CCDC171: variants seen among roughly 807,000 people sequenced by gnomAD.
CCDC171 encodes the protein coiled-coil domain containing 171, also known as coiled-coil domain-containing protein 171.
Under a neutral mutation model 168.2 loss-of-function variants are expected in CCDC171, and 177 were observed. That is an observed-to-expected ratio of 1.05 (90% CI 0.93 to 1.19). CCDC171 has a LOEUF of 1.19. Among genes scored for constraint, CCDC171 ranks in the 50% most tolerant of loss-of-function variants. The pLI is 0.00. For synonymous variants in CCDC171, 687 were observed against 540.8 expected (o/e 1.27, Z -3.75); for missense variants, 1,991 against 1,539.0 (o/e 1.29, Z -4.91).
intron 6 of CCDC171, among the ~76,000 whole-genome samples, chr9:16,026,048 G>T (rs1833268991): frequency 1.3e-5 from 2 of 152,206 alleles, no homozygotes; most frequent in South Asian, 4.1e-4. Flanking sequence ...AGGAAACCAG[G>T]CTCAACTGTA....
intron 21 of CCDC171, among the ~76,000 whole-genome samples, chr9:15,804,688 G>C (rs1295183827): frequency 6.6e-6 from 1 of 151,906 alleles, no homozygotes; most frequent in Non-Finnish European, 1.5e-5. Flanking sequence ...TATTAGCCTG[G>C]AGTTGTCTTG....
At chr9:15,921,866 T>G (rs893101936) in intron 25 of CCDC171, among the ~76,000 whole-genome samples, 15 of 151,680 alleles carry the variant, frequency 9.9e-5, no homozygotes, top group African/African-American at 3.6e-4. Flanking sequence ...CATTATACTG[T>G]TTAAGTTGTA....
chr9:16,052,872 T>C (rs1833773801), intron 1 of CCDC171, among the ~76,000 whole-genome samples: 4 of 151,966 alleles, frequency 2.6e-5, no homozygotes, highest in Admixed American at 2.6e-4. Context: ...CCTTTTCTTT[T>C]CAAACGGAAT....
chr9:16,051,303 A>G (rs1016414684), intron 1 of CCDC171, among the ~76,000 whole-genome samples: 6 of 152,026 alleles, frequency 3.9e-5, no homozygotes, highest in African/African-American at 1.5e-4. Flanking sequence ...CAGTTTCCTT[A>G]TCCAAAACAG....
upstream of CCDC171, among the ~76,000 whole-genome samples, chr9:16,040,041 A>G (rs1318016265): frequency 2.6e-5 from 4 of 152,200 alleles, no homozygotes; most frequent in Admixed American, 6.5e-5. Flanking sequence ...TTCATCATCT[A>G]GAAAACTGCA....
intron 18 of CCDC171, among the ~76,000 whole-genome samples, chr9:15,768,864 C>T (rs76345226): frequency 0.028 from 4,196 of 152,250 alleles, 213 homozygotes; most frequent in African/African-American, 0.096. Context: ...CACCTATCTT[C>T]ATCCGCAGTA....
chr9:15,729,958 C>T (rs942584070), intron 16 of CCDC171, among the ~76,000 whole-genome samples, 160 bp downstream of exon 16: 7 of 151,586 alleles, frequency 4.6e-5, no homozygotes, highest in Admixed American at 6.6e-5. Context: ...CACACACATA[C>T]GTGTGTGTGT....
chr9:15,792,756 T>C lies in CCDC171; in HGVS notation c.3267+8062T>C, dbSNP rs559123594. 1.8e-3 allele frequency among the ~76,000 whole-genome samples: 268 copies of C among 151,960 alleles called. 2 individuals carry two copies. Among genetic ancestry groups the C allele is most frequent in the African/African-American group, 6.1e-3 (251 of 41,418 alleles). On this transcript the variant is annotated intron_variant, in intron 21 of 25. Transcript: ENST00000380701. ...TAAGCGAAGGAGAAATAAAATCCTTTATAGACAAGCAAATGCTGACAGATT... is the reference window on the plus strand; with the variant it reads ...TAAGCGAAGGAGAAATAAAATCCTTCATAGACAAGCAAATGCTGACAGATT...
intron 1 of CCDC171, among the ~76,000 whole-genome samples, chr9:16,049,467 C>G (rs1385096086): frequency 6.6e-6 from 1 of 152,166 alleles, no homozygotes; most frequent in Non-Finnish European, 1.5e-5. Flanking sequence ...TCTAATCAGC[C>G]AGGAGCCTAA....
At chr9:16,056,164 T>C (rs545609650) in intron 1 of CCDC171, among the ~76,000 whole-genome samples, 8 of 152,344 alleles carry the variant, frequency 5.3e-5, no homozygotes, top group African/African-American at 7.2e-5. Flanking sequence ...GTGGTTTTCA[T>C]TGGTGGTGGG....
intron 25 of CCDC171, among the ~76,000 whole-genome samples, chr9:15,952,075 T>G (rs371838688): frequency 6.6e-6 from 1 of 152,306 alleles, no homozygotes; most frequent in East Asian, 1.9e-4. Flanking sequence ...AGTGAACTTC[T>G]TCAACTTCAT....
intron 4 of CCDC171, among the ~76,000 whole-genome samples, chr9:15,586,523 T>G (rs1318055102): frequency 6.6e-6 from 1 of 152,142 alleles, no homozygotes; most frequent in Non-Finnish European, 1.5e-5. Flanking sequence ...TCAAAAGGCT[T>G]ATAAACTGGA....
At chr9:15,650,995 C>G (rs1050999012) in intron 7 of CCDC171, among the ~76,000 whole-genome samples, 4 of 152,146 alleles carry the variant, frequency 2.6e-5, no homozygotes, top group Non-Finnish European at 5.9e-5. Flanking sequence ...GTCAATCTGT[C>G]TTCCCTGCCA....
chr9:15,605,616 G>T (rs1298052031), intron 6 of CCDC171, among the ~76,000 whole-genome samples: 6 of 150,960 alleles, frequency 4.0e-5, no homozygotes, highest in Admixed American at 1.3e-4. Flanking sequence ...GAACCCAGGA[G>T]GTGGAGGTTG....
At position 15,591,571 on chromosome 9, in the gene CCDC171, A is replaced by G. The variant is rs1329861803; in HGVS notation, c.543+15A>G. Reference sequence around the variant, plus strand: ...AAACTCTACAGGTAAAATAGTTTTTATAAAGGAATTTTCCGATATGTAATA... The same window carrying G: ...AAACTCTACAGGTAAAATAGTTTTTGTAAAGGAATTTTCCGATATGTAATA... On this transcript the variant is annotated intron_variant, in intron 5 of 25. Transcript: ENST00000380701. 2.9e-6 allele frequency: 4 copies of G among 1,400,376 alleles called. No individual in the cohort carries two copies. The highest frequency in any genetic ancestry group is 1.3e-5 in the South Asian group (1 of 78,070). 86.7% of individuals were successfully genotyped at this position (1,400,376 alleles called of 1,614,324 possible). A position where few individuals can be genotyped will look rare whatever the true frequency, so the allele number is the denominator to read the frequency against.
chr9:15,798,683 T>C (rs551783220), intron 21 of CCDC171, among the ~76,000 whole-genome samples: 1 of 152,306 alleles, frequency 6.6e-6, no homozygotes, highest in East Asian at 1.9e-4. Flanking sequence ...TATGCCCGTT[T>C]ATTAAAATAT....
chr9:15,656,459 A>G (rs1385994056), intron 7 of CCDC171, among the ~76,000 whole-genome samples: 1 of 152,228 alleles, frequency 6.6e-6, no homozygotes, highest in African/African-American at 2.4e-5. Context: ...CTTTATTTGT[A>G]ATTGCCTAAA....
At chr9:15,707,228 A>G (rs1040827299) in intron 11 of CCDC171, among the ~76,000 whole-genome samples, 1 of 152,196 alleles carries the variant, frequency 6.6e-6, no homozygotes, top group Admixed American at 6.5e-5. Flanking sequence ...TTATACTCAT[A>G]GTTTCAGTTT....
intron 25 of CCDC171, among the ~76,000 whole-genome samples, chr9:15,950,864 G>A (rs1167360166): frequency 6.6e-6 from 1 of 151,130 alleles, no homozygotes; most frequent in South Asian, 2.1e-4. Flanking sequence ...TCAGTGTGCT[G>A]TATTCAGGAA....
Sources: allele counts gnomAD v4.1 joint callset (sites outside exome capture counted in the v4.1 genomes callset), GRCh38; gene constraint gnomAD v4.1.1; transcripts MANE v1.5; gene names NCBI Gene and HGNC (gene_info 2026-07-23, HGNC 2026-07-21).